The following DSC3 variants were observed in gnomAD, a reference collection of about 807,000 sequenced individuals.
DSC3 encodes the protein desmocollin-3.
Under a neutral mutation model 89.5 loss-of-function variants are expected in DSC3, and 97 were observed. The observed-to-expected ratio is 1.08, with a 90% CI of 0.92 to 1.28. The LOEUF (loss-of-function observed/expected upper bound fraction) is 1.28, where lower values mean the gene tolerates loss of function less well. DSC3 is among the 50% of genes most tolerant of loss of function. DSC3 has a pLI of 0.00. For synonymous variants in DSC3, 436 were observed against 384.1 expected, an observed-to-expected ratio of 1.14 and a Z score of -1.58; for missense variants, 1,199 against 1,085.3, an observed-to-expected ratio of 1.10 and a Z score of -1.47.
intron 8 of DSC3, 131 bp from the exon 9 acceptor site, chr18:31,018,387 A>ACAC: frequency 6.4e-6 from 5 of 783,976 alleles, no homozygotes; most frequent in Non-Finnish European, 9.9e-6. Context: ...TGAATCGTAA[A>ACAC]CACTATTGTT....
chr18:31,003,210 A>G (rs1567950555), intron 13 of DSC3, among the ~76,000 whole-genome samples: 1 of 151,980 alleles, frequency 6.6e-6, no homozygotes, highest in South Asian at 2.1e-4. Context: ...TACCCTCCTC[A>G]CCAACACACT....
chr18:31,038,701 A>G (rs1203544187), intron 1 of DSC3, among the ~76,000 whole-genome samples: 1 of 152,102 alleles, frequency 6.6e-6, no homozygotes, highest in Non-Finnish European at 1.5e-5. Flanking sequence ...TAAATACCAA[A>G]GATTACATAT....
rs200091280 is a variant in DSC3 at position 31,022,400 on chromosome 18, C to G, written c.878G>C (p.Gly293Ala). The G allele has an allele frequency of 1.2e-6, 2 of 1,613,992 alleles. No homozygotes were observed. Among genetic ancestry groups the G allele is most frequent in the East Asian group, 4.5e-5 (2 of 44,864 alleles). Residue 293 changes from glycine (G) to alanine (A), a missense_variant, in exon 7 of 16, where the codon GGG becomes GCG. Transcript: ENST00000360428. Reference sequence around the variant, plus strand: ...TGTGCTGGGATGCACAGAAAAGAGCCCAGGTGACCTTGGTGTCTGCTGCAA... The same window carrying G: ...TGTGCTGGGATGCACAGAAAAGAGCGCAGGTGACCTTGGTGTCTGCTGCAA... ...SILQQTPRSP[G>A]LFSVHPSTGV...
At chr18:31,013,781 G>A (rs922920223) in intron 9 of DSC3, among the ~76,000 whole-genome samples, 2 of 152,064 alleles carry the variant, frequency 1.3e-5, no homozygotes, top group African/African-American at 4.8e-5. Flanking sequence ...AGGCATGTGT[G>A]TACATTTCTG....
At chr18:31,003,699 A>C (rs1984740467) in intron 13 of DSC3, among the ~76,000 whole-genome samples, 1 of 152,182 alleles carries the variant, frequency 6.6e-6, no homozygotes, top group Non-Finnish European at 1.5e-5. Context: ...AGGTTAACAG[A>C]ATTTAAAATT....
intron 14 of DSC3, among the ~76,000 whole-genome samples, chr18:30,999,954 A>G (rs567908358): frequency 1.5e-4 from 23 of 152,280 alleles, no homozygotes; most frequent in African/African-American, 5.1e-4. Context: ...TTAAATGGCA[A>G]AGAACAGATA....
chr18:31,019,699 C>T (rs11876564), intron 7 of DSC3, among the ~76,000 whole-genome samples: 6,872 of 152,162 alleles, frequency 0.045, 513 homozygotes, highest in African/African-American at 0.16. Context: ...GGTGCTGAGG[C>T]GGATGGACCC....
intron 6 of DSC3, 90 bp downstream of exon 6, chr18:31,024,259 T>C: frequency 8.0e-7 from 1 of 1,255,068 alleles, no homozygotes; most frequent in Non-Finnish European, 1.1e-6. Context: ...CTCAGGCTGA[T>C]CTGGCCTTGA....
intron 5 of DSC3, among the ~76,000 whole-genome samples, chr18:31,025,029 A>G (rs1302308491): frequency 6.6e-6 from 1 of 152,216 alleles, no homozygotes; most frequent in Non-Finnish European, 1.5e-5. Flanking sequence ...ACATGTGATT[A>G]CAACACTGAA....
Position 31,004,319 on chromosome 18 carries a change from A to G in DSC3, c.1936T>C (p.Tyr646His). The G allele has an allele frequency of 6.2e-7, 1 of 1,614,018 alleles. No homozygotes were observed. Among genetic ancestry groups the G allele is most frequent in the Non-Finnish European group, 8.5e-7 (1 of 1,179,918 alleles). ...SYQKNAGFQE[Y>H]TIPITVKDRA... The stretch of plus-strand genomic sequence containing the variant: ...TCTTTTACAGTAATAGGAATGGTAT[A>G]TTCTTGAAATCCAGCATTTTTCTGA... The change falls in exon 13 of 16, where the codon TAT (tyrosine) becomes CAT (histidine). Residue 646 changes from tyrosine (Y) to histidine (H), a missense_variant. Tyr to His is a moderately conservative substitution (Grantham distance 83). Transcript: ENST00000360428.
At chr18:31,036,166 T>G (rs1030251740) in intron 1 of DSC3, among the ~76,000 whole-genome samples, 12 of 152,206 alleles carry the variant, frequency 7.9e-5, no homozygotes, top group African/African-American at 2.9e-4. Flanking sequence ...TACAAAGTAC[T>G]AATATCAATT....
chr18:31,031,093 T>G lies in DSC3; in HGVS notation c.234A>C (p.Ser78=), dbSNP rs201659255. ...GCGCAACAGCCCTGGCTGTGTACAC[T>G]GACCCATCATTTAGAACTCTGAAAT... The part of the protein sequence containing the change: ...DPDFRVLNDG[S]VYTARAVALS... Residue 78 remains serine (S), a synonymous_variant, in exon 3 of 16, where the codon TCA becomes TCC. Transcript: ENST00000360428. 26 of 1,614,050 alleles carry G rather than the reference T, an allele frequency of 1.6e-5. No individual in the cohort carries two copies. The East Asian group carries it at 5.8e-4, about 36-fold the overall frequency.
intron 1 of DSC3, among the ~76,000 whole-genome samples, chr18:31,034,877 G>A (rs1463280937): frequency 6.6e-6 from 1 of 152,076 alleles, no homozygotes; most frequent in Admixed American, 6.6e-5. Context: ...TTAGATTATT[G>A]CACATTCTTC....
Position 31,018,110 on chromosome 18 carries a change from T to G in DSC3, c.1224A>C (p.Thr408=). ...GNENGHFKIS[T]DKETNEGVLS... Reference sequence around the variant, plus strand: ...GAACACCTTCATTAGTTTCTTTGTCTGTGCTGATTTTGAAATGTCCATTTT... The same window carrying G: ...GAACACCTTCATTAGTTTCTTTGTCGGTGCTGATTTTGAAATGTCCATTTT... The change falls in exon 9 of 16, where the codon ACA becomes ACC. Residue 408 remains threonine, a synonymous_variant. Transcript: ENST00000360428. The G allele has an allele frequency of 6.2e-7, 1 of 1,612,748 alleles. No individual in the cohort carries two copies. Among genetic ancestry groups the G allele is most frequent in the East Asian group, 2.2e-5 (1 of 44,708 alleles).
At chr18:31,025,202 C>T (rs1254551579) in intron 5 of DSC3, among the ~76,000 whole-genome samples, 2 of 152,120 alleles carry the variant, frequency 1.3e-5, no homozygotes, top group Non-Finnish European at 2.9e-5. Flanking sequence ...CAGCATTTAC[C>T]ATATTACACT....
chr18:31,039,109 T>C (rs1276791416), intron 1 of DSC3, among the ~76,000 whole-genome samples: 1 of 152,090 alleles, frequency 6.6e-6, no homozygotes, highest in Admixed American at 6.5e-5. Context: ...ATATTTTAAA[T>C]TAAAATATAA....
chr18:31,007,086 A>G lies in DSC3; in HGVS notation c.1709T>C (p.Val570Ala). ...TGTLAVNIED[V>A]NDNPPEILQE... The stretch of plus-strand genomic sequence containing the variant: ...AAGTATTTCTGGTGGATTATCATTT[A>G]CATCTTCAATGTTCACAGCAAGTGT... Residue 570 changes from valine (V) to alanine (A), a missense_variant, in exon 12 of 16, where the codon GTA (valine) becomes GCA (alanine). Coordinates refer to ENST00000360428, the MANE Select transcript of DSC3 (RefSeq NM_001941.5). The G allele has an allele frequency of 6.2e-7, 1 of 1,613,972 alleles. No individual in the cohort carries two copies. Among genetic ancestry groups the G allele is most frequent in the African/African-American group, 1.3e-5 (1 of 75,052 alleles).
rs185210102 is a variant in DSC3, at chr18:31,018,879, C to G, written c.943-79G>C. 2.4e-3 allele frequency: 3,055 copies of G among 1,291,858 alleles called. 69 individuals are homozygous for G. In the African/African-American group the frequency reaches 0.046, roughly 20 times the overall value. 80.0% of individuals were successfully genotyped at this position (1,291,858 alleles called of 1,614,324 possible). ...AAATGAAACCTCAATTGCACACTCACTCACTCACATACACACACATCTGTG... is the reference window on the plus strand; with the variant it reads ...AAATGAAACCTCAATTGCACACTCAGTCACTCACATACACACACATCTGTG... On this transcript the variant is annotated intron_variant, in intron 7 of 15. Coordinates refer to ENST00000360428, the MANE Select transcript of DSC3 (RefSeq NM_001941.5).
At chr18:31,025,082 A>G (rs1481368323) in intron 5 of DSC3, among the ~76,000 whole-genome samples, 1 of 152,176 alleles carries the variant, frequency 6.6e-6, no homozygotes, top group Non-Finnish European at 1.5e-5. Context: ...CACATGGGGT[A>G]CATCAGTTAT....
Sources: gnomAD v4.1 joint callset for allele counts (sites outside exome capture counted in the v4.1 genomes callset) on GRCh38, gnomAD v4.1.1 for gene constraint, MANE v1.5 for transcripts, NCBI Gene and HGNC (gene_info 2026-07-23, HGNC 2026-07-21) for gene names.